MIS18BP1: variants seen among roughly 807,000 people sequenced by gnomAD.
The protein encoded by MIS18BP1 is mis18-binding protein 1.
MIS18BP1 carries 72 observed loss-of-function variants against 116.1 expected under a neutral mutation model. The observed-to-expected ratio is 0.62, with a 90% CI of 0.51 to 0.75. MIS18BP1 has a LOEUF of 0.75. MIS18BP1 is among the 30% of genes least tolerant of loss of function. MIS18BP1 has a pLI of 0.00. For missense variants in MIS18BP1, 1,363 were observed against 1,303.2 expected (o/e 1.05, Z -0.71); for synonymous variants, 386 against 427.0 (o/e 0.90, Z 1.18).
At chr14:45,226,995 T>C (rs1326592719) in intron 9 of MIS18BP1, among the ~76,000 whole-genome samples, 159 bp from the exon 10 acceptor site, 1 of 152,224 alleles carries the variant, frequency 6.6e-6, no homozygotes, top group Non-Finnish European at 1.5e-5. Context: ...TGCCAGACCT[T>C]GAGCACTACG....
Position 45,224,141 on chromosome 14 carries a change from T to C in MIS18BP1, c.2446A>G (p.Ile816Val), listed in dbSNP as rs907815968. Reference protein sequence around the residue: ...STRNTSNIPVILEPETEESEN... With the variant: ...STRNTSNIPVVLEPETEESEN... Reference sequence around the variant, plus strand: ...CTTTCTTCAGTTTCAGGTTCCAAAATCACTGGAATATTACTTGTGTTTCTT... The same window carrying C: ...CTTTCTTCAGTTTCAGGTTCCAAAACCACTGGAATATTACTTGTGTTTCTT... The change falls in exon 11 of 17, where the codon ATT becomes GTT. Residue 816 changes from isoleucine to valine, a missense_variant. Coordinates refer to ENST00000310806, the MANE Select transcript of MIS18BP1 (RefSeq NM_018353.5). 1.9e-6 allele frequency: 3 copies of C among 1,613,354 alleles called. No individual in the cohort carries two copies. In the African/African-American group the frequency reaches 4.0e-5, roughly 22 times the overall value.
At position 45,231,279 on chromosome 14, in the gene MIS18BP1, C is replaced by T; in HGVS notation, c.1456G>A (p.Glu486Lys). 1 of 1,604,866 alleles carries T rather than the reference C, an allele frequency of 6.2e-7. No individual in the cohort carries two copies. The highest frequency in any genetic ancestry group is 1.7e-5 in the Admixed American group (1 of 58,626). ...GTTTTCTGTTTTTGTTTGGTCTTTTCCCTGTTCTTTTCACCAGCCCTTTAA... is the reference window on the plus strand; with the variant it reads ...GTTTTCTGTTTTTGTTTGGTCTTTTTCCTGTTCTTTTCACCAGCCCTTTAA... Reference protein sequence around the residue: ...EQLRAGEKNREKTKQKQKTGR... With the variant: ...EQLRAGEKNRKKTKQKQKTGR... The change falls in exon 8 of 17, where the codon GAA (glutamate) becomes AAA (lysine). Residue 486 changes from glutamate (E) to lysine (K), a missense_variant. By Grantham distance (56) the Glu-to-Lys change is moderately conservative (BLOSUM62 1). Transcript: ENST00000310806.
At chr14:45,231,091 A>G (rs927164571) in intron 8 of MIS18BP1, 50 bp downstream of exon 8, 2 of 1,569,822 alleles carry the variant, frequency 1.3e-6, no homozygotes, top group Middle Eastern at 1.7e-4. Context: ...AATGTAGACC[A>G]TGTAAGAACT....
intron 10 of MIS18BP1, 145 bp downstream of exon 10, chr14:45,226,598 A>G (rs1195608317): frequency 1.4e-6 from 1 of 725,498 alleles, no homozygotes; most frequent in African/African-American, 1.9e-5. Context: ...CATCTTATGT[A>G]AAAATAACAA....
chr14:45,206,294 TTTC>T (rs1890515640), intron 14 of MIS18BP1, 124 bp from the exon 15 acceptor site: 1 of 678,642 alleles, frequency 1.5e-6, no homozygotes, highest in Non-Finnish European at 2.5e-6. Flanking sequence ...TTCAAATGTA[TTTC>T]TTTTTTTGAA....
chr14:45,216,639 C>A (rs921513959), intron 13 of MIS18BP1, among the ~76,000 whole-genome samples: 13 of 152,252 alleles, frequency 8.5e-5, no homozygotes, highest in Admixed American at 4.6e-4. Flanking sequence ...GACAAAAATT[C>A]TTTCATACAT....
intron 13 of MIS18BP1, among the ~76,000 whole-genome samples, chr14:45,212,816 C>T (rs112366556): frequency 6.6e-5 from 10 of 152,212 alleles, no homozygotes; most frequent in African/African-American, 2.4e-4. Context: ...AGACAGCCCG[C>T]CCCAAGGTTA....
In MIS18BP1 at chr14:45,247,013, T is replaced by C; in HGVS notation, c.274A>G (p.Ile92Val). The change falls in exon 2 of 17, where the codon ATC (isoleucine) becomes GTC (valine). Residue 92 changes from isoleucine (I) to valine (V), a missense_variant. Ile to Val is a conservative substitution (Grantham distance 29). Transcript: ENST00000310806. Reference protein sequence around the residue: ...EATTSNSSLDISAIKPNKDGL... With the variant: ...EATTSNSSLDVSAIKPNKDGL... The stretch of plus-strand genomic sequence containing the variant: ...TCCTTGTTGGGCTTTATAGCACTGA[T>C]ATCAAGAGAACTGTTAGAGGTAGTA... 1 of 1,613,488 alleles carries C rather than the reference T, an allele frequency of 6.2e-7. No homozygotes were observed. The highest frequency in any genetic ancestry group is 8.5e-7 in the Non-Finnish European group (1 of 1,179,926).
Position 45,223,888 on chromosome 14 carries a change from G to A in MIS18BP1, c.2669+30C>T, listed in dbSNP as rs571244111. 5 of 1,473,350 alleles carry A rather than the reference G, an allele frequency of 3.4e-6. No homozygotes were observed. The South Asian group carries it at 6.6e-5, about 19-fold the overall frequency. 91.3% of individuals were successfully genotyped at this position (1,473,350 alleles called of 1,614,324 possible). A position where few individuals can be genotyped will look rare whatever the true frequency, so the allele number is the denominator to read the frequency against. ...TTAACTGTCTTGTGGCTGCTCTGTAGATATTTCGGAATGAAATCTAACTAC... is the reference window on the plus strand; with the variant it reads ...TTAACTGTCTTGTGGCTGCTCTGTAAATATTTCGGAATGAAATCTAACTAC... On this transcript the variant is annotated intron_variant, in intron 11 of 16. Coordinates refer to ENST00000310806, the MANE Select transcript of MIS18BP1 (RefSeq NM_018353.5).
chr14:45,252,594 C>G (rs1431211820), intron 1 of MIS18BP1, among the ~76,000 whole-genome samples: 2 of 152,022 alleles, frequency 1.3e-5, no homozygotes, highest in Admixed American at 1.3e-4. Flanking sequence ...CCACCGCGCC[C>G]GACCATTTTC....
Position 45,206,166 on chromosome 14 carries a change from C to T in MIS18BP1, c.3157G>A (p.Asp1053Asn). The change falls in exon 15 of 17, where the codon GAC becomes AAC. Residue 1053 changes from aspartate to asparagine, a missense_variant. Transcript: ENST00000310806. ...PGMLGSINRN[D>N]CDKYVFRMQK... Reference sequence around the variant, plus strand: ...ATACGAAAAACATATTTATCACAGTCATTCCTGTTTGAATACGAAATAATT... The same window carrying T: ...ATACGAAAAACATATTTATCACAGTTATTCCTGTTTGAATACGAAATAATT... 6.3e-7 allele frequency: 1 copy of T among 1,592,198 alleles called. No individual in the cohort carries two copies. The highest frequency in any genetic ancestry group is 8.6e-7 in the Non-Finnish European group (1 of 1,162,854).
At chr14:45,236,318 C>G (rs1383167056) in intron 5 of MIS18BP1, among the ~76,000 whole-genome samples, 1 of 152,182 alleles carries the variant, frequency 6.6e-6, no homozygotes, top group African/African-American at 2.4e-5. Context: ...AGCTTTTATG[C>G]AGAAAGTAGA....
rs188811796 is a variant in MIS18BP1 at position 45,221,947 on chromosome 14, T to C, written c.2669+1971A>G. The stretch of plus-strand genomic sequence containing the variant: ...TTTTATTGTCAGGTGCATACACACT[T>C]AGGAATTTCATGCCTTCCTGGTGAC... On this transcript the variant is annotated intron_variant, in intron 11 of 16. Coordinates refer to ENST00000310806, the MANE Select transcript of MIS18BP1 (RefSeq NM_018353.5). Among the ~76,000 whole-genome samples, 82 of 152,338 alleles carry C rather than the reference T, an allele frequency of 5.4e-4. 1 individual carries two copies. Among genetic ancestry groups the C allele is most frequent in the Admixed American group, 4.7e-3 (72 of 15,300 alleles).
intron 9 of MIS18BP1, among the ~76,000 whole-genome samples, chr14:45,227,453 G>T (rs938371119): frequency 6.6e-6 from 1 of 151,558 alleles, no homozygotes; most frequent in African/African-American, 2.4e-5. Flanking sequence ...GTTGAGGCAG[G>T]AGAATCACTT....
chr14:45,232,416 CAAAA>C (rs532665472), intron 7 of MIS18BP1: 178 of 95,852 alleles, frequency 1.9e-3, no homozygotes, highest in South Asian at 4.2e-3. Flanking sequence ...GATTCCATCT[CAAAA>C]AAAAAAAAAA....
intron 6 of MIS18BP1, among the ~76,000 whole-genome samples, chr14:45,235,603 A>C (rs184461797): frequency 1.9e-4 from 28 of 149,780 alleles, no homozygotes; most frequent in African/African-American, 6.5e-4. Context: ...AAAAAAAAAA[A>C]AAAACAAAAA....
In MIS18BP1 at chr14:45,203,414, A is replaced by C. The variant is rs1890419488; in HGVS notation, c.*695T>G. The C allele has an allele frequency of 6.6e-6, 1 of 152,166 alleles. No homozygotes were observed. The highest frequency in any genetic ancestry group is 2.4e-5 in the African/African-American group (1 of 41,436). The allele number at this position is 152,166 out of a possible 1,614,324, so 9.4% of individuals were successfully genotyped here. A position where few individuals can be genotyped will look rare whatever the true frequency, so the allele number is the denominator to read the frequency against. On this transcript the variant is annotated 3_prime_UTR_variant, in exon 17 of 17. Coordinates refer to ENST00000310806, the MANE Select transcript of MIS18BP1 (RefSeq NM_018353.5). The stretch of plus-strand genomic sequence containing the variant: ...ATTAACTGTTTGTCTAATCTAGTCA[A>C]AATATTTAAGCTGTTTCTGCATATG...
At chr14:45,243,943 C>T (rs1891652402) in intron 2 of MIS18BP1, among the ~76,000 whole-genome samples, 1 of 152,064 alleles carries the variant, frequency 6.6e-6, no homozygotes, top group Non-Finnish European at 1.5e-5. Context: ...TCAAATGCTA[C>T]CTTATTATAT....
At chr14:45,220,633 T>G (rs1321027533) in intron 11 of MIS18BP1, among the ~76,000 whole-genome samples, 3 of 152,198 alleles carry the variant, frequency 2.0e-5, no homozygotes, top group Admixed American at 6.5e-5. Flanking sequence ...CAATATGCCT[T>G]TGAAATTCAA....
Sources: allele counts gnomAD v4.1 joint callset (sites outside exome capture counted in the v4.1 genomes callset), GRCh38; gene constraint gnomAD v4.1.1; transcripts MANE v1.5; gene names NCBI Gene and HGNC (gene_info 2026-07-23, HGNC 2026-07-21).